Variants in KCNN2 observed in about 807,000 individuals in gnomAD.
KCNN2 encodes the protein potassium calcium-activated channel subfamily N member 2.
A neutral mutation model predicts 55.5 loss-of-function variants in KCNN2; 24 were observed. The ratio of observed to expected loss-of-function variants is 0.43; its 90% CI spans 0.31 to 0.61. KCNN2 has a LOEUF of 0.61. Among genes scored for constraint, KCNN2 ranks in the 20% least tolerant of loss-of-function variants. KCNN2 has a pLI of 0.08. For missense variants in KCNN2, 754 were observed against 853.6 expected (o/e 0.88, Z 1.45); for synonymous variants, 431 against 336.1 (o/e 1.28, Z -3.09).
intron 5 of KCNN2, among the ~76,000 whole-genome samples, chr5:114,477,301 G>C (rs1354967155): frequency 2.0e-5 from 3 of 152,134 alleles, no homozygotes; most frequent in African/African-American, 7.2e-5. Flanking sequence ...TGTATCTTTA[G>C]TGAACTGAAC....
At chr5:114,184,868 A>G (rs1753300792) in intron 1 of KCNN2, among the ~76,000 whole-genome samples, 1 of 152,214 alleles carries the variant, frequency 6.6e-6, no homozygotes, top group Admixed American at 6.5e-5. Flanking sequence ...GTACAGTATC[A>G]CTAAGTACAA....
intron 2 of KCNN2, among the ~76,000 whole-genome samples, chr5:114,280,076 C>T (rs1173387400): frequency 6.6e-6 from 1 of 152,108 alleles, no homozygotes; most frequent in Non-Finnish European, 1.5e-5. Context: ...TTTCATGTGT[C>T]TTTTGGCTGC....
At chr5:114,284,935 T>G (rs1031575165) in intron 2 of KCNN2, among the ~76,000 whole-genome samples, 2 of 151,882 alleles carry the variant, frequency 1.3e-5, no homozygotes, top group Non-Finnish European at 2.9e-5. Flanking sequence ...AAAAATAAAT[T>G]TCTGTTGTTT....
Position 114,301,097 on chromosome 5 carries a change from C to T in KCNN2, c.-184-59848C>T, listed in dbSNP as rs371118745. Among the ~76,000 whole-genome samples the T allele has an allele frequency of 8.6e-5, 13 of 151,388 alleles. No homozygotes were observed. In the East Asian group the frequency reaches 2.1e-3, roughly 25 times the overall value. On this transcript the variant is annotated intron_variant, in intron 2 of 10. Transcript: ENST00000512097. ...TTGTTTTCTAACTGGGACCTATAGA[C>T]TGTTCTTGAGAGTCCTTACATTACT...
At chr5:114,140,538 C>T (rs573694890) in intron 1 of KCNN2, among the ~76,000 whole-genome samples, 1 of 151,948 alleles carries the variant, frequency 6.6e-6, no homozygotes, top group African/African-American at 2.4e-5. Flanking sequence ...ATTTTACCAC[C>T]TGATATTAGA....
chr5:114,173,966 T>C (rs1753090006), intron 1 of KCNN2, among the ~76,000 whole-genome samples: 1 of 152,096 alleles, frequency 6.6e-6, no homozygotes, highest in Non-Finnish European at 1.5e-5. Flanking sequence ...CTTTTTATTT[T>C]AACTTTTCTG....
chr5:114,098,478 C>T (rs1371188406), intron 1 of KCNN2, among the ~76,000 whole-genome samples: 1 of 152,042 alleles, frequency 6.6e-6, no homozygotes, highest in African/African-American at 2.4e-5. Flanking sequence ...GTATTAGATT[C>T]TCACAGGAAC....
intron 1 of KCNN2, among the ~76,000 whole-genome samples, chr5:114,217,128 A>G (rs1466601086): frequency 3.3e-5 from 5 of 152,122 alleles, no homozygotes; most frequent in Admixed American, 2.0e-4. Flanking sequence ...AAATGGAGAG[A>G]TATTCCATGT....
At chr5:114,276,260 A>AT (rs1428109970) in intron 2 of KCNN2, among the ~76,000 whole-genome samples, 21 of 152,044 alleles carry the variant, frequency 1.4e-4, no homozygotes, top group Non-Finnish European at 1.9e-4. Context: ...TATGTGGTCA[A>AT]TTTTAGAATA....
At chr5:114,177,911 G>A (rs1214069749) in intron 1 of KCNN2, among the ~76,000 whole-genome samples, 1 of 152,062 alleles carries the variant, frequency 6.6e-6, no homozygotes, top group Non-Finnish European at 1.5e-5. Context: ...ATAGATTTGA[G>A]GTCTTTGTAA....
chr5:114,424,553 C>T (rs1759563165), intron 3 of KCNN2, among the ~76,000 whole-genome samples: 1 of 152,170 alleles, frequency 6.6e-6, no homozygotes, highest in Non-Finnish European at 1.5e-5. Flanking sequence ...TTTTAGGTAT[C>T]TGAGTAATAT....
chr5:114,143,633 A>G (rs924788613), intron 1 of KCNN2, among the ~76,000 whole-genome samples: 7 of 152,144 alleles, frequency 4.6e-5, no homozygotes, highest in African/African-American at 1.7e-4. Context: ...AATCTTGGTG[A>G]TGTGAAACCT....
intron 1 of KCNN2, among the ~76,000 whole-genome samples, chr5:114,058,612 CA>C (rs1265788495): frequency 2.6e-5 from 4 of 152,100 alleles, no homozygotes; most frequent in African/African-American, 9.7e-5. Flanking sequence ...ACACTTTTGT[CA>C]GGGGGAGGGC....
chr5:114,336,100 C>T (rs920815441), intron 2 of KCNN2, among the ~76,000 whole-genome samples: 1 of 152,190 alleles, frequency 6.6e-6, no homozygotes, highest in Non-Finnish European at 1.5e-5. Flanking sequence ...ATGGTCATAA[C>T]TGCCTTTAAG....
chr5:114,068,037 C>T (rs555699080), intron 1 of KCNN2, among the ~76,000 whole-genome samples: 15 of 152,202 alleles, frequency 9.9e-5, no homozygotes, highest in African/African-American at 3.4e-4. Context: ...TAGATATGTT[C>T]CCAATAAGGG....
At chr5:114,312,900 C>T (rs1016069637) in intron 2 of KCNN2, among the ~76,000 whole-genome samples, 1 of 152,038 alleles carries the variant, frequency 6.6e-6, no homozygotes, top group Non-Finnish European at 1.5e-5. Flanking sequence ...CTGGAAAACA[C>T]AAGTTGTCAG....
intron 2 of KCNN2, among the ~76,000 whole-genome samples, chr5:114,394,465 T>C (rs1036476196): frequency 6.6e-6 from 1 of 152,216 alleles, no homozygotes; most frequent in Non-Finnish European, 1.5e-5. Flanking sequence ...TTTTAGTTAA[T>C]TGCAGAAAGC....
intron 1 of KCNN2, among the ~76,000 whole-genome samples, chr5:114,174,257 AC>A (rs1480335472): frequency 6.6e-6 from 1 of 152,110 alleles, no homozygotes; most frequent in Non-Finnish European, 1.5e-5. Context: ...AGATACATGA[AC>A]CCTGCTGGAG....
At chr5:114,190,446 TAAAG>T (rs1413063033) in intron 1 of KCNN2, among the ~76,000 whole-genome samples, 6 of 152,076 alleles carry the variant, frequency 3.9e-5, no homozygotes, top group Non-Finnish European at 1.5e-5. Flanking sequence ...AATAATGAGT[TAAAG>T]AAAGCAAGTT....
Sources: allele counts gnomAD v4.1 joint callset (sites outside exome capture counted in the v4.1 genomes callset), GRCh38; gene constraint gnomAD v4.1.1; transcripts MANE v1.5; gene names NCBI Gene and HGNC (gene_info 2026-07-23, HGNC 2026-07-21).